Variants in ATG7 observed in about 807,000 individuals in gnomAD.
ATG7 encodes the protein autophagy related 7, also known as ubiquitin-like modifier-activating enzyme ATG7.
A neutral mutation model predicts 82.4 loss-of-function variants in ATG7; 70 were observed. The observed-to-expected ratio is 0.85, with a 90% CI of 0.70 to 1.04. The LOEUF is 1.04. ATG7 is among the 50% of genes least tolerant of loss of function. The probability of loss-of-function intolerance (pLI) is 0.00; values close to 1 mark genes in which losing one functional copy is unlikely to be tolerated. For missense variants in ATG7, 792 were observed against 864.3 expected (o/e 0.92, Z 1.05); for synonymous variants, 287 against 313.0 (o/e 0.92, Z 0.88).
intron 19 of ATG7, among the ~76,000 whole-genome samples, chr3:11,419,475 A>G (rs1431662176): frequency 6.6e-6 from 1 of 151,952 alleles, no homozygotes; most frequent in Non-Finnish European, 1.5e-5. Flanking sequence ...AATTGCTTGA[A>G]CCCAGGAGGC....
At chr3:11,410,137 C>G (rs1344948570) in intron 19 of ATG7, among the ~76,000 whole-genome samples, 5 of 152,164 alleles carry the variant, frequency 3.3e-5, no homozygotes, top group African/African-American at 1.2e-4. Context: ...TGCATTGACT[C>G]TATAGGTCAA....
chr3:11,520,267 G>A (rs559565705), intron 20 of ATG7, among the ~76,000 whole-genome samples: 2 of 152,152 alleles, frequency 1.3e-5, no homozygotes, highest in African/African-American at 2.4e-5. Context: ...TCTACCATGA[G>A]TGGCAAGCCC....
intron 5 of ATG7, among the ~76,000 whole-genome samples, chr3:11,302,574 A>G (rs543582196): frequency 4.6e-5 from 7 of 152,334 alleles, no homozygotes; most frequent in Middle Eastern, 3.4e-3. Flanking sequence ...GAGAGAGAGA[A>G]GTAGAAGGCA....
intron 20 of ATG7, among the ~76,000 whole-genome samples, chr3:11,490,341 C>T (rs2090212795): frequency 1.3e-5 from 2 of 152,130 alleles, no homozygotes; most frequent in Non-Finnish European, 1.5e-5. Flanking sequence ...TTCCTCCATG[C>T]TTTTATTTTG....
At chr3:11,345,675 A>C (rs956423763) in intron 13 of ATG7, among the ~76,000 whole-genome samples, 1 of 151,472 alleles carries the variant, frequency 6.6e-6, no homozygotes, top group Non-Finnish European at 1.5e-5. Context: ...AGGCTTGTCT[A>C]TCAGTTTTTT....
At chr3:11,331,799 G>C (rs1951682166) in intron 10 of ATG7, among the ~76,000 whole-genome samples, 1 of 152,158 alleles carries the variant, frequency 6.6e-6, no homozygotes, top group African/African-American at 2.4e-5. Flanking sequence ...AATTAAAACA[G>C]AGGATATCTT....
At chr3:11,298,664 G>A (rs1190433560) in intron 3 of ATG7, 22 bp from the exon 4 acceptor site, 12 of 1,607,748 alleles carry the variant, frequency 7.5e-6, no homozygotes, top group Admixed American at 1.7e-5. Context: ...ATTTTGCTGT[G>A]TTCTGTTTTG....
chr3:11,515,226 GCCACTT>G, intron 20 of ATG7, among the ~76,000 whole-genome samples: 1 of 152,130 alleles, frequency 6.6e-6, no homozygotes, highest in East Asian at 1.9e-4. Flanking sequence ...ATAACACTTA[GCCACTT>G]TTCAGTGTGT....
At chr3:11,459,109 C>G (rs1442000103) in intron 20 of ATG7, among the ~76,000 whole-genome samples, 2 of 151,066 alleles carry the variant, frequency 1.3e-5, no homozygotes, top group Admixed American at 1.3e-4. Flanking sequence ...GATCACTTCT[C>G]TCATTTCAGC....
intron 20 of ATG7, among the ~76,000 whole-genome samples, chr3:11,447,848 C>T (rs1247220343): frequency 6.6e-6 from 1 of 152,128 alleles, no homozygotes; most frequent in East Asian, 1.9e-4. Context: ...TGATTGGCAG[C>T]CTCCCTCAGA....
intron 19 of ATG7, among the ~76,000 whole-genome samples, chr3:11,394,728 C>T (rs376257019): frequency 3.3e-5 from 5 of 152,234 alleles, no homozygotes; most frequent in East Asian, 1.9e-4. Context: ...TTAAGTGGCC[C>T]GGAAACCGTA....
At chr3:11,484,868 T>G (rs2153037740) in intron 20 of ATG7, among the ~76,000 whole-genome samples, 1 of 152,308 alleles carries the variant, frequency 6.6e-6, no homozygotes, top group South Asian at 2.1e-4. Context: ...ACAAAGGACA[T>G]GAACTCATCA....
At chr3:11,342,042 ATTTC>A in intron 12 of ATG7, 89 bp from the exon 13 acceptor site, 1 of 1,371,636 alleles carries the variant, frequency 7.3e-7, no homozygotes, top group Non-Finnish European at 9.7e-7. Flanking sequence ...TTTCCTTATT[ATTTC>A]TTATTTTCTT....
chr3:11,439,642 CG>C (rs2152965373), intron 20 of ATG7, among the ~76,000 whole-genome samples: 1 of 152,172 alleles, frequency 6.6e-6, no homozygotes, highest in East Asian at 1.9e-4. Flanking sequence ...TGGGTGTGCA[CG>C]TGGTGCAGTA....
intron 20 of ATG7, among the ~76,000 whole-genome samples, chr3:11,451,847 C>CTCTA (rs1553675350): frequency 1.2e-4 from 18 of 148,904 alleles, no homozygotes; most frequent in East Asian, 1.2e-3. Flanking sequence ...ATCTCTCTCT[C>CTCTA]TATATATATA....
At position 11,556,661 on chromosome 3, in the gene ATG7, G is replaced by C. The variant is rs1164361257; in HGVS notation, c.*1818G>C. On this transcript the variant is annotated 3_prime_UTR_variant, in exon 21 of 21. Coordinates refer to ENST00000693202, the MANE Select transcript of ATG7 (RefSeq NM_001349232.2). ...AAAAATGAATGATTACAATAGGAAA[G>C]GGAAAAATTAAATAGCTACATATCA... 6.6e-6 allele frequency: 1 copy of C among 152,468 alleles called. No individual in the cohort carries two copies. The highest frequency in any genetic ancestry group is 2.4e-5 in the African/African-American group (1 of 41,350). The allele number at this position is 152,468 out of a possible 1,614,324, so 9.4% of individuals were successfully genotyped here. A position where few individuals can be genotyped will look rare whatever the true frequency, so the allele number is the denominator to read the frequency against.
intron 20 of ATG7, among the ~76,000 whole-genome samples, chr3:11,497,533 CAAA>C (rs760302631): frequency 1.0e-4 from 8 of 77,398 alleles, no homozygotes; most frequent in South Asian, 4.1e-4. Context: ...GAGACTCCAC[CAAA>C]AAAAAAAAAA....
intron 1 of ATG7, among the ~76,000 whole-genome samples, chr3:11,274,139 G>A (rs968488297): frequency 5.3e-5 from 8 of 151,980 alleles, no homozygotes; most frequent in Non-Finnish European, 1.2e-4. Context: ...TAAGAGCTGA[G>A]TACTGGACTT....
At chr3:11,508,951 T>G (rs1324172648) in intron 20 of ATG7, among the ~76,000 whole-genome samples, 3 of 152,218 alleles carry the variant, frequency 2.0e-5, no homozygotes, top group African/African-American at 7.2e-5. Flanking sequence ...ATGACCAATA[T>G]TCTATGTGCA....
Sources: gnomAD v4.1 joint callset for allele counts (sites outside exome capture counted in the v4.1 genomes callset) on GRCh38, gnomAD v4.1.1 for gene constraint, MANE v1.5 for transcripts, NCBI Gene and HGNC (gene_info 2026-07-23, HGNC 2026-07-21) for gene names.